Variants in NEXMIF observed in about 807,000 individuals in gnomAD.
NEXMIF encodes neurite extension and migration factor, also known as XLMR protein related to neurite extension.
In NEXMIF, 8 loss-of-function variants were observed where a neutral mutation model predicts 62.1. The ratio of observed to expected loss-of-function variants is 0.13; its 90% confidence interval spans 0.08 to 0.23. The LOEUF is 0.23. NEXMIF is among the 10% of genes least tolerant of loss of function. NEXMIF has a pLI of 1.00. For missense variants in NEXMIF, 976 were observed against 1,113.3 expected (o/e 0.88, Z 1.75); for synonymous variants, 404 against 416.6 (o/e 0.97, Z 0.37).
intron 1 of NEXMIF, among the ~76,000 whole-genome samples, chrX:74,767,062 A>C (rs1287565381): frequency 8.9e-6 from 1 of 112,295 alleles, no homozygotes; most frequent in Non-Finnish European, 1.9e-5. Context: ...CAAAGCCTGG[A>C]GACAGCGAGA....
rs774288929 is a variant in NEXMIF at position 74,874,108 on chromosome X, G to T, written c.-48+50775C>A. Among the ~76,000 whole-genome samples the T allele has an allele frequency of 4.4e-3, 479 of 107,708 alleles. 2 individuals carry two copies. The highest frequency in any genetic ancestry group is 0.012 in the African/African-American group (370 of 29,705). The allele number at this position is 107,708 out of a possible 115,157, so 93.5% of individuals were successfully genotyped here. A position where few individuals can be genotyped will look rare whatever the true frequency, so the allele number is the denominator to read the frequency against. On this transcript the variant is annotated intron_variant, in intron 1 of 3. Transcript: ENST00000055682. The stretch of plus-strand genomic sequence containing the variant: ...ATGGTAATGCCTAGGTTTTCTTCTA[G>T]GGTTTTTATGGTTTTAGGTCTAACG...
At chrX:74,827,819 T>C (rs2080423401) in intron 1 of NEXMIF, among the ~76,000 whole-genome samples, 1 of 111,548 alleles carries the variant, frequency 9.0e-6, no homozygotes, top group African/African-American at 3.3e-5. Context: ...CCACTGGATA[T>C]AGAGCAGAAA....
intron 1 of NEXMIF, among the ~76,000 whole-genome samples, chrX:74,867,458 T>C (rs1187216414): frequency 9.0e-6 from 1 of 111,409 alleles, no homozygotes; most frequent in Non-Finnish European, 1.9e-5. Context: ...TGGAACAGAA[T>C]AGAGATCTCA....
intron 1 of NEXMIF, among the ~76,000 whole-genome samples, chrX:74,916,995 T>A (rs2080809255): frequency 8.9e-6 from 1 of 112,113 alleles, no homozygotes; most frequent in African/African-American, 3.2e-5. Context: ...CCCTCCAGTC[T>A]TAGGGTTCTA....
chrX:74,754,876 T>A (rs1014738478), intron 1 of NEXMIF, among the ~76,000 whole-genome samples: 2 of 111,326 alleles, frequency 1.8e-5, no homozygotes, highest in Non-Finnish European at 3.8e-5. Flanking sequence ...ATACAAAACA[T>A]CCCATTAAAA....
chrX:74,901,239 G>A (rs897928377), intron 1 of NEXMIF, among the ~76,000 whole-genome samples: 18 of 112,028 alleles, frequency 1.6e-4, no homozygotes, highest in Non-Finnish European at 2.3e-4. Flanking sequence ...TTTAGAGGTA[G>A]CTGCCTGTCT....
chrX:74,809,515 C>T (rs750547595), intron 1 of NEXMIF, among the ~76,000 whole-genome samples: 1 of 111,709 alleles, frequency 9.0e-6, no homozygotes, highest in Non-Finnish European at 1.9e-5. Context: ...TGCAGAGGAA[C>T]TGGTCACCTT....
chrX:74,778,342 C>T (rs1569341536), intron 1 of NEXMIF, among the ~76,000 whole-genome samples: 2 of 111,672 alleles, frequency 1.8e-5, no homozygotes, highest in Non-Finnish European at 3.8e-5. Flanking sequence ...GCTGCACTCC[C>T]GGATCTACAG....
At chrX:74,831,116 A>G (rs956460027) in intron 1 of NEXMIF, among the ~76,000 whole-genome samples, 4 of 110,796 alleles carry the variant, frequency 3.6e-5, no homozygotes, top group Admixed American at 1.9e-4. Flanking sequence ...GTTTTTTCCA[A>G]TCTTGAAGGA....
At chrX:74,799,826 T>C (rs991437514) in intron 1 of NEXMIF, among the ~76,000 whole-genome samples, 2 of 111,366 alleles carry the variant, frequency 1.8e-5, no homozygotes, top group Non-Finnish European at 3.8e-5. Flanking sequence ...AAAGAGTCAA[T>C]TCATCAAGAA....
intron 1 of NEXMIF, among the ~76,000 whole-genome samples, chrX:74,836,662 G>A (rs1350468656): frequency 8.9e-6 from 1 of 111,853 alleles, no homozygotes; most frequent in African/African-American, 3.3e-5. Context: ...TATCCAAGAT[G>A]CAAGACGAAG....
intron 2 of NEXMIF, 99 bp from the exon 3 acceptor site, chrX:74,744,576 A>G (rs956837450): frequency 1.5e-4 from 86 of 559,963 alleles, no homozygotes; most frequent in Non-Finnish European, 2.2e-5. Context: ...ACTTGATCTT[A>G]TTATATAAGC....
intron 1 of NEXMIF, among the ~76,000 whole-genome samples, chrX:74,765,419 T>G (rs1246636212): frequency 8.9e-6 from 1 of 111,856 alleles, no homozygotes; most frequent in East Asian, 2.8e-4. Flanking sequence ...ATTTATCCCA[T>G]TTACATTCAA....
rs1217189210 is a variant in NEXMIF, at chrX:74,742,112, C to A, written c.2445G>T (p.Leu815=). Residue 815 remains leucine, a synonymous_variant, in exon 3 of 4, where the codon CTG becomes CTT. Coordinates refer to ENST00000055682, the MANE Select transcript of NEXMIF (RefSeq NM_001008537.3). The stretch of plus-strand genomic sequence containing the variant: ...AGTCAGAAGCATCTAACAATGTCTG[C>A]AGATACCCTCCCGGGATAACAGGTA... ...TNIPVIPGGY[L]QTLLDASDLS... 8.3e-7 allele frequency: 1 copy of A among 1,209,258 alleles called. No homozygotes were observed. The highest frequency in any genetic ancestry group is 2.2e-5 in the Admixed American group (1 of 45,995).
At chrX:74,875,372 G>T (rs2080626451) in intron 1 of NEXMIF, among the ~76,000 whole-genome samples, 1 of 111,780 alleles carries the variant, frequency 8.9e-6, no homozygotes, top group African/African-American at 3.2e-5. Context: ...TAAGCTTTTT[G>T]CTGCGCTGCT....
chrX:74,922,446 C>G (rs990257091), intron 1 of NEXMIF, among the ~76,000 whole-genome samples: 3 of 111,776 alleles, frequency 2.7e-5, no homozygotes, highest in African/African-American at 9.8e-5. Context: ...ATGTCAAATT[C>G]TGCCATGTAC....
intron 1 of NEXMIF, among the ~76,000 whole-genome samples, chrX:74,870,611 C>T (rs778124902): frequency 1.9e-4 from 21 of 111,660 alleles, no homozygotes; most frequent in Non-Finnish European, 3.2e-4. Flanking sequence ...GGAGCTCAAT[C>T]GACTTTACAG....
intron 1 of NEXMIF, among the ~76,000 whole-genome samples, chrX:74,870,773 C>T (rs754659501): frequency 8.9e-6 from 1 of 111,902 alleles, no homozygotes; most frequent in African/African-American, 3.2e-5. Context: ...TATCATCTCA[C>T]ACCAGTTAAA....
At chrX:74,791,720 C>G (rs759749393) in intron 1 of NEXMIF, among the ~76,000 whole-genome samples, 1 of 109,931 alleles carries the variant, frequency 9.1e-6, no homozygotes, top group African/African-American at 3.3e-5. Flanking sequence ...GTGTATGTGA[C>G]GAGGAATTTA....
Sources: allele counts gnomAD v4.1 joint callset (sites outside exome capture counted in the v4.1 genomes callset), GRCh38; gene constraint gnomAD v4.1.1; transcripts MANE v1.5; gene names NCBI Gene and HGNC (gene_info 2026-07-23, HGNC 2026-07-21).